SCAND3: variants seen among roughly 807,000 people sequenced by gnomAD.
SCAND3 encodes SCAN domain-containing protein 3.
chr6:28,607,216 C>T, the SCAND3 span, among the ~76,000 whole-genome samples: 1 of 152,146 alleles, frequency 6.6e-6, no homozygotes, highest in Admixed American at 6.5e-5. Context: ...GGTTCAATCC[C>T]CGGCACCTCC....
At chr6:28,598,634 C>T in the SCAND3 span, among the ~76,000 whole-genome samples, 1 of 151,418 alleles carries the variant, frequency 6.6e-6, no homozygotes, top group Non-Finnish European at 1.5e-5. Context: ...CACTTGAGGT[C>T]AGGAGTTCGA....
chr6:28,574,770 G>A, the SCAND3 span: 103 of 1,613,978 alleles, frequency 6.4e-5, no homozygotes, highest in Non-Finnish European at 8.2e-5. Flanking sequence ...CATAGCAAAG[G>A]CTACAAGTTA....
At chr6:28,593,010 A>ATTTT in the SCAND3 span, among the ~76,000 whole-genome samples, 2,744 of 145,602 alleles carry the variant, frequency 0.019, 36 homozygotes, top group African/African-American at 0.037. Context: ...CTGGGCAATG[A>ATTTT]TTTTTTTTTT....
At chr6:28,574,676 T>C in the SCAND3 span, 1 of 1,613,872 alleles carries the variant, frequency 6.2e-7, no homozygotes, top group African/African-American at 1.3e-5. Context: ...GAAAATGGTG[T>C]CCCTGATGGC....
At chr6:28,611,279 T>C in the SCAND3 span, among the ~76,000 whole-genome samples, 3 of 152,198 alleles carry the variant, frequency 2.0e-5, no homozygotes, top group Non-Finnish European at 4.4e-5. Flanking sequence ...AGTAAAGTGC[T>C]CATATAGACC....
the SCAND3 span, chr6:28,573,712 GT>G: frequency 1.2e-6 from 2 of 1,609,116 alleles, no homozygotes; most frequent in Non-Finnish European, 1.7e-6. Context: ...AACTCTTTTG[GT>G]TTTCCCTTCT....
At chr6:28,586,805 G>T in the SCAND3 span, 1 of 1,199,986 alleles carries the variant, frequency 8.3e-7, no homozygotes, top group Non-Finnish European at 1.2e-6. The surrounding 1 kb of genome is among the most constrained non-coding windows in gnomAD (Gnocchi z 4.4). Context: ...TTTTGTTCTT[G>T]GTCAGGAAAG....
chr6:28,575,465 G>T, the SCAND3 span: 1 of 1,613,720 alleles, frequency 6.2e-7, no homozygotes, highest in Non-Finnish European at 8.5e-7. This position sits in a 1 kb window ranked among gnomAD's most constrained non-coding sequence, Gnocchi z 4.2. Flanking sequence ...ACTTCCGTAG[G>T]CCTTTTAGAC....
chr6:28,575,055 T>C, the SCAND3 span: 5 of 1,614,090 alleles, frequency 3.1e-6, no homozygotes, highest in Non-Finnish European at 4.2e-6. This position sits in a 1 kb window ranked among gnomAD's most constrained non-coding sequence, Gnocchi z 4.2. Context: ...CAGCCTGATC[T>C]AATTCATTTT....
At chr6:28,573,462 C>T in the SCAND3 span, 2 of 1,614,126 alleles carry the variant, frequency 1.2e-6, no homozygotes, top group East Asian at 4.5e-5. Flanking sequence ...AAACGTTGAA[C>T]ACCTGCTTTG....
At chr6:28,572,856 T>C in the SCAND3 span, 1 of 1,613,972 alleles carries the variant, frequency 6.2e-7, no homozygotes, top group Non-Finnish European at 8.5e-7. This position sits in a 1 kb window ranked among gnomAD's most constrained non-coding sequence, Gnocchi z 4.1. Context: ...GTTCAGCTGA[T>C]ATTTTTTTCA....
At chr6:28,581,805 G>T in the SCAND3 span, among the ~76,000 whole-genome samples, 1 of 152,208 alleles carries the variant, frequency 6.6e-6, no homozygotes, top group Admixed American at 6.5e-5. Flanking sequence ...TCTAGAACAA[G>T]GAAGCCTGGA....
chr6:28,598,745 C>T, the SCAND3 span, among the ~76,000 whole-genome samples: 40,296 of 146,530 alleles, frequency 0.28, 6,376 homozygotes, highest in African/African-American at 0.44. Flanking sequence ...AGTGCGGCGG[C>T]GCGCACTTGT....
the SCAND3 span, chr6:28,588,224 T>C: frequency 6.6e-6 from 1 of 152,212 alleles, no homozygotes; most frequent in African/African-American, 2.4e-5. The surrounding 1 kb of genome is among the most constrained non-coding windows in gnomAD (Gnocchi z 4.1). Flanking sequence ...CCTGAAAAGA[T>C]CATTTTCCCA....
At chr6:28,572,912 C>T in the SCAND3 span, 2 of 1,613,976 alleles carry the variant, frequency 1.2e-6, no homozygotes, top group Non-Finnish European at 1.7e-6. This position sits in a 1 kb window ranked among gnomAD's most constrained non-coding sequence, Gnocchi z 4.1. Flanking sequence ...GTTTTACATT[C>T]TGGCGCAAGT....
At chr6:28,601,235 C>G in the SCAND3 span, among the ~76,000 whole-genome samples, 2 of 152,040 alleles carry the variant, frequency 1.3e-5, no homozygotes, top group Non-Finnish European at 2.9e-5. Context: ...ATGTTCTTTT[C>G]TCTTAGACAT....
At chr6:28,598,521 G>T in the SCAND3 span, among the ~76,000 whole-genome samples, 115 of 151,960 alleles carry the variant, frequency 7.6e-4, 3 homozygotes, top group Admixed American at 5.6e-3. Context: ...AACTGACCTG[G>T]GTTAGAGGAC....
chr6:28,595,330 C>CAAAAAAAAAAAAAAAAA, the SCAND3 span, among the ~76,000 whole-genome samples: 4 of 37,332 alleles, frequency 1.1e-4, no homozygotes, highest in African/African-American at 1.8e-4. Context: ...AACCCAGTCT[C>CAAAAAAAAAAAAAAAAA]AAAAAAAAAA....
the SCAND3 span, among the ~76,000 whole-genome samples, chr6:28,577,727 C>G: frequency 1.3e-5 from 2 of 152,272 alleles, no homozygotes; most frequent in South Asian, 4.2e-4. Flanking sequence ...TTCTAAAGTT[C>G]TTCCTGTGGG....
Sources: allele counts gnomAD v4.1 joint callset (sites outside exome capture counted in the v4.1 genomes callset), GRCh38; gene constraint gnomAD v4.1.1; non-coding constraint Gnocchi (gnomAD v3.1); transcripts MANE v1.5; gene names NCBI Gene and HGNC (gene_info 2026-07-23, HGNC 2026-07-21).